BARD1: variants seen among roughly 807,000 people sequenced by gnomAD.
BARD1 encodes the protein BRCA1-associated RING domain protein 1.
BARD1 carries 73 observed loss-of-function variants against 77.0 expected under a neutral mutation model. The observed-to-expected ratio is 0.95, with a 90% confidence interval of 0.79 to 1.15. The LOEUF (loss-of-function observed/expected upper bound fraction) is 1.15, where lower values mean the gene tolerates loss of function less well. Ranked by LOEUF, BARD1 falls within the 50% of genes most tolerant of loss-of-function variation. BARD1 has a pLI of 0.00. For missense variants in BARD1, 993 were observed against 938.8 expected, an observed-to-expected ratio of 1.06 and a Z score of -0.75; for synonymous variants, 384 against 338.0, an observed-to-expected ratio of 1.14 and a Z score of -1.49.
In BARD1 at chr2:214,781,145, A is replaced by G. The variant is rs761986980; in HGVS notation, c.729T>C (p.Cys243=). ...GACTGGAGATAACAGATGGTTGGCT[A>G]CAGAAGGATACCAGCTTTTGCTTAG... ...EESKQKLVSF[C]SQPSVISSPQ... Residue 243 remains cysteine, a synonymous_variant, in exon 4 of 11, where the codon TGT becomes TGC. Coordinates refer to ENST00000260947, the MANE Select transcript of BARD1 (RefSeq NM_000465.4). 6 of 1,575,220 alleles carry G rather than the reference A, an allele frequency of 3.8e-6. No individual in the cohort carries two copies. The highest frequency in any genetic ancestry group is 5.1e-6 in the Non-Finnish European group (6 of 1,165,946).
intron 3 of BARD1, among the ~76,000 whole-genome samples, chr2:214,787,210 A>C (rs951073439): frequency 2.6e-5 from 4 of 151,942 alleles, no homozygotes; most frequent in South Asian, 2.1e-4. Flanking sequence ...ATATAGCAGC[A>C]ACATACTCAA....
At chr2:214,763,155 A>G (rs1224222495) in intron 6 of BARD1, among the ~76,000 whole-genome samples, 1 of 152,114 alleles carries the variant, frequency 6.6e-6, no homozygotes, top group Non-Finnish European at 1.5e-5. Context: ...TGAGTACCTT[A>G]GCACCCATAT....
At chr2:214,730,757 T>C (rs561178343) in intron 9 of BARD1, 2 of 497,804 alleles carry the variant, frequency 4.0e-6, no homozygotes, top group Non-Finnish European at 3.7e-6. Flanking sequence ...TACTGAACAC[T>C]AACTGTAATT....
chr2:214,794,461 A>T (rs1259444900), intron 2 of BARD1, among the ~76,000 whole-genome samples: 2 of 152,218 alleles, frequency 1.3e-5, no homozygotes, highest in Admixed American at 1.3e-4. Flanking sequence ...ATTCAGCAAG[A>T]CAGAGATTTG....
At chr2:214,743,439 A>T (rs1692940637) in intron 9 of BARD1, among the ~76,000 whole-genome samples, 1 of 152,240 alleles carries the variant, frequency 6.6e-6, no homozygotes. Context: ...AAAAATAATT[A>T]TAGTCACAGG....
At position 214,745,096 on chromosome 2, in the gene BARD1, A is replaced by T. The variant is rs1217702482; in HGVS notation, c.1874T>A (p.Leu625His). ...QSTLKCMLGI[L>H]NGCWILKFEW... Reference sequence around the variant, plus strand: ...AAATTTTAGAATCCAGCATCCATTGAGAATCCCAAGCATACACTTCAAGGT... The same window carrying T: ...AAATTTTAGAATCCAGCATCCATTGTGAATCCCAAGCATACACTTCAAGGT... Residue 625 changes from leucine to histidine, a missense_variant, in exon 9 of 11, where the codon CTC becomes CAC. Physicochemically the swap from Leu to His is moderately conservative, Grantham distance 99 (BLOSUM62 -3). Transcript: ENST00000260947. 6.2e-7 allele frequency: 1 copy of T among 1,614,060 alleles called. No homozygotes were observed. The highest frequency in any genetic ancestry group is 8.5e-7 in the Non-Finnish European group (1 of 1,179,932).
chr2:214,751,149 ATATTTTTTTT>A (rs1693428223), intron 7 of BARD1, among the ~76,000 whole-genome samples: 1 of 18,480 alleles, frequency 5.4e-5, no homozygotes, highest in African/African-American at 1.7e-4. Flanking sequence ...ATATATATAT[ATATTTTTTTT>A]TTTTTTTTTT....
Position 214,725,982 on chromosome 2 carries a change from C to T in BARD1, c.*2694G>A, listed in dbSNP as rs547958982. ...TCCCACAGGAAACATCAAACCTCCC[C>T]AAATATCATCCTCTAGGCAGAGGTC... On this transcript the variant is annotated 3_prime_UTR_variant, in exon 11 of 11. Coordinates refer to ENST00000260947, the MANE Select transcript of BARD1 (RefSeq NM_000465.4). 4.5e-6 allele frequency: 1 copy of T among 221,418 alleles called. No homozygotes were observed. Among genetic ancestry groups the T allele is most frequent in the African/African-American group, 2.3e-5 (1 of 44,276 alleles). The allele number at this position is 221,418 out of a possible 1,614,324, so 13.7% of individuals were successfully genotyped here.
rs1692086902 is a variant in BARD1, at chr2:214,726,416, T to A, written c.*2260A>T. On this transcript the variant is annotated 3_prime_UTR_variant, in exon 11 of 11. Coordinates refer to ENST00000260947, the MANE Select transcript of BARD1 (RefSeq NM_000465.4). The stretch of plus-strand genomic sequence containing the variant: ...CAATCAGTGTGTAATTGTTTCTTAA[T>A]GACTATTCCAAACTATCAAAGTTAT... The A allele has an allele frequency of 4.8e-6, 1 of 209,490 alleles. No individual in the cohort carries two copies. Among genetic ancestry groups the A allele is most frequent in the Non-Finnish European group, 9.7e-6 (1 of 103,126 alleles). 13.0% of individuals were successfully genotyped at this position (209,490 alleles called of 1,614,324 possible). A position where few individuals can be genotyped will look rare whatever the true frequency, so the allele number is the denominator to read the frequency against.
intron 1 of BARD1, among the ~76,000 whole-genome samples, chr2:214,804,829 T>C (rs1696193358): frequency 6.6e-6 from 1 of 152,158 alleles, no homozygotes; most frequent in African/African-American, 2.4e-5. Context: ...ATAACACCCA[T>C]CACCCCAGCT....
chr2:214,768,135 G>C (rs1255623610), intron 5 of BARD1, among the ~76,000 whole-genome samples: 1 of 152,160 alleles, frequency 6.6e-6, no homozygotes, highest in Non-Finnish European at 1.5e-5. Context: ...TTATTGATAA[G>C]AGAAATAACA....
chr2:214,782,519 G>C (rs1007947705), intron 3 of BARD1, among the ~76,000 whole-genome samples: 14 of 151,494 alleles, frequency 9.2e-5, no homozygotes, highest in African/African-American at 2.7e-4. Context: ...GAAAAATATA[G>C]ATTTATAATC....
rs1462712084 is a variant in BARD1, at chr2:214,751,143, A to T, written c.1677+1304T>A. Among the ~76,000 whole-genome samples the T allele has an allele frequency of 1.4e-3, 30 of 21,016 alleles. 1 individual carries two copies. Among genetic ancestry groups the T allele is most frequent in the Non-Finnish European group, 2.1e-3 (19 of 9,152 alleles). The allele number at this position is 21,016 out of a possible 152,430, so 13.8% of individuals were successfully genotyped here. On this transcript the variant is annotated intron_variant, in intron 7 of 10. Coordinates refer to ENST00000260947, the MANE Select transcript of BARD1 (RefSeq NM_000465.4). Reference sequence around the variant, plus strand: ...TATATATATATATATATATATATATATATATATATTTTTTTTTTTTTTTTT... The same window carrying T: ...TATATATATATATATATATATATATTTATATATATTTTTTTTTTTTTTTTT...
intron 9 of BARD1, among the ~76,000 whole-genome samples, chr2:214,736,905 C>A (rs1867795): frequency 0.36 from 54,339 of 151,984 alleles, 10,396 homozygotes; most frequent in East Asian, 0.56. Flanking sequence ...TGCTTTTACT[C>A]CAAGCAACAA....
chr2:214,738,284 C>G (rs114918278), intron 9 of BARD1, among the ~76,000 whole-genome samples: 4,638 of 152,184 alleles, frequency 0.03, 95 homozygotes, highest in Middle Eastern at 0.061. Context: ...TTCATGTAAG[C>G]TTTCCTTTTT....
In BARD1 at chr2:214,728,758, C is replaced by T. The variant is rs587782246; in HGVS notation, c.2252G>A (p.Arg751Gln). 6.3e-5 allele frequency: 101 copies of T among 1,614,042 alleles called. No homozygotes were observed. The highest frequency in any genetic ancestry group is 1.1e-4 in the South Asian group (10 of 91,084). The change falls in exon 11 of 11, where the codon CGG becomes CAG. Residue 751 changes from arginine to glutamine, a missense_variant. Transcript: ENST00000260947. ...DLCNYHPERV[R>Q]QGKVWKAPSS... ...AGGAGCCTTCCAGACTTTGCCCTGCCGAACCCTCTCTGGGTGATAATTACA... is the reference window on the plus strand; with the variant it reads ...AGGAGCCTTCCAGACTTTGCCCTGCTGAACCCTCTCTGGGTGATAATTACA...
rs369756202 is a variant in BARD1, at chr2:214,745,775, C to G, written c.1757G>C (p.Ser586Thr). The G allele has an allele frequency of 6.2e-7, 1 of 1,614,068 alleles. No individual in the cohort carries two copies. Among genetic ancestry groups the G allele is most frequent in the Non-Finnish European group, 8.5e-7 (1 of 1,179,982 alleles). The change falls in exon 8 of 11, where the codon AGT becomes ACT. Residue 586 changes from serine to threonine, a missense_variant. Coordinates refer to ENST00000260947, the MANE Select transcript of BARD1 (RefSeq NM_000465.4). ...AGCCTTAAGAATTACTGCAAGCTCA[C>G]TGAGCATTTTCTGTTGTTCTGAAGA... is the stretch of plus-strand genomic sequence containing the variant. ...GLSSEQQKML[S>T]ELAVILKAKK...
intron 6 of BARD1, among the ~76,000 whole-genome samples, chr2:214,756,105 C>G (rs886830737): frequency 2.0e-5 from 3 of 152,124 alleles, no homozygotes; most frequent in Non-Finnish European, 4.4e-5. Flanking sequence ...GCCCAAATCT[C>G]ATGTCAAATT....
chr2:214,797,745 G>A (rs202155117), intron 1 of BARD1, among the ~76,000 whole-genome samples: 1 of 152,098 alleles, frequency 6.6e-6, no homozygotes, highest in Admixed American at 6.5e-5. Context: ...TGTGAAAAAT[G>A]CAGCCATTCT....
Sources: gnomAD v4.1 joint callset for allele counts (sites outside exome capture counted in the v4.1 genomes callset) on GRCh38, gnomAD v4.1.1 for gene constraint, MANE v1.5 for transcripts, NCBI Gene and HGNC (gene_info 2026-07-23, HGNC 2026-07-21) for gene names.